ASAH1: variants seen among roughly 807,000 people sequenced by gnomAD.
ASAH1 encodes N-acylsphingosine amidohydrolase 1.
A neutral mutation model predicts 59.5 loss-of-function variants in ASAH1; 70 were observed. That is an observed-to-expected ratio of 1.18 (90% CI 0.97 to 1.43). The LOEUF (loss-of-function observed/expected upper bound fraction) is 1.43, where lower values mean the gene tolerates loss of function less well. ASAH1 is among the 40% of genes most tolerant of loss of function. The probability of loss-of-function intolerance (pLI) is 0.00; values close to 1 mark genes in which losing one functional copy is unlikely to be tolerated. For missense variants in ASAH1, 660 were observed against 482.5 expected, an observed-to-expected ratio of 1.37 and a Z score of -3.45; for synonymous variants, 213 against 166.5, an observed-to-expected ratio of 1.28 and a Z score of -2.15.
chr8:18,061,708 G>A lies in ASAH1; in HGVS notation c.681C>T (p.Phe227=). 1 of 1,584,954 alleles carries A rather than the reference G, an allele frequency of 6.3e-7. No homozygotes were observed. Among genetic ancestry groups the A allele is most frequent in the Non-Finnish European group, 8.6e-7 (1 of 1,163,670 alleles). Residue 227 remains phenylalanine (F), a synonymous_variant, in exon 9 of 14, where the codon TTC becomes TTT. Coordinates refer to ENST00000637790, the MANE Select transcript of ASAH1 (RefSeq NM_177924.5). The part of the protein sequence containing the change: ...GLFSLTLNER[F]SINGGYLGIL... ...TACCCAGATAACCACCATTTATACT[G>A]AAACGTTCATTCAGTGTAAGACTGA...
At chr8:18,077,499 T>G (rs534624649) in intron 1 of ASAH1, among the ~76,000 whole-genome samples, 102 of 152,320 alleles carry the variant, frequency 6.7e-4, no homozygotes, top group Non-Finnish European at 1.4e-3. Context: ...GGCTAACTCT[T>G]CAGTCACTTC....
chr8:18,083,920 C>T, intron 1 of ASAH1, 61 bp downstream of exon 1: 2 of 1,556,280 alleles, frequency 1.3e-6, no homozygotes, highest in Non-Finnish European at 8.6e-7. Context: ...GCCACACCTG[C>T]GCCTCCATCC....
At chr8:18,081,953 T>C (rs1220440123) in intron 1 of ASAH1, among the ~76,000 whole-genome samples, 1 of 152,228 alleles carries the variant, frequency 6.6e-6, no homozygotes, top group African/African-American at 2.4e-5. Flanking sequence ...CAAATTTTTA[T>C]TCTGCCAAAT....
chr8:18,059,613 A>T lies in ASAH1; in HGVS notation c.876T>A (p.Cys292Ter), dbSNP rs768737924. 6.2e-7 allele frequency: 1 copy of T among 1,614,224 alleles called. No homozygotes were observed. The highest frequency in any genetic ancestry group is 1.7e-5 in the Admixed American group (1 of 60,024). The change falls in exon 11 of 14, where the codon TGT (cysteine) becomes TGA (stop). Residue 292 changes from cysteine to a stop codon, truncating the protein, a stop_gained. Coordinates refer to ENST00000637790, the MANE Select transcript of ASAH1 (RefSeq NM_177924.5). LOFTEE classifies it high-confidence loss of function. ...ATTCCTTTCTGTCTCGTGTAATCAC[A>T]CAACCTTCCCCAGACTGGTTGCCTC... ...ILGGNQSGEGCVITRDRKESL... is the reference protein window; with the variant it reads ...ILGGNQSGEG
intron 1 of ASAH1, among the ~76,000 whole-genome samples, chr8:18,081,906 T>TA (rs1254374255): frequency 3.3e-5 from 5 of 151,546 alleles, no homozygotes; most frequent in Non-Finnish European, 5.9e-5. Context: ...TCCAGGCCAG[T>TA]AAAAAAAAAT....
chr8:18,066,402 C>G (rs1344992782), intron 5 of ASAH1: 4 of 135,608 alleles, frequency 2.9e-5, no homozygotes, highest in Non-Finnish European at 4.6e-5. Flanking sequence ...AAGCCCTTCT[C>G]CAAAAGAAAC....
chr8:18,078,401 G>A (rs758170261), intron 1 of ASAH1, among the ~76,000 whole-genome samples: 4 of 152,282 alleles, frequency 2.6e-5, no homozygotes, highest in South Asian at 4.1e-4. Context: ...ATAAACAAAC[G>A]TGAAATTGGC....
chr8:18,078,776 G>C (rs907937151), intron 1 of ASAH1, among the ~76,000 whole-genome samples: 2 of 152,154 alleles, frequency 1.3e-5, no homozygotes, highest in African/African-American at 4.8e-5. Context: ...CAGATGATAA[G>C]AAGAGAGATT....
intron 7 of ASAH1, 188 bp downstream of exon 7, chr8:18,062,997 G>A (rs1034677679): frequency 3.5e-6 from 2 of 574,936 alleles, no homozygotes; most frequent in Admixed American, 2.6e-5. Flanking sequence ...AGGCTCCCAA[G>A]TAGCCGGGAT....
chr8:18,080,328 T>C (rs912948860), intron 1 of ASAH1, among the ~76,000 whole-genome samples: 7 of 152,320 alleles, frequency 4.6e-5, no homozygotes, highest in Middle Eastern at 3.4e-3. Flanking sequence ...TCTTATGAAG[T>C]GGGTCAGATT....
intron 1 of ASAH1, among the ~76,000 whole-genome samples, chr8:18,082,289 T>A (rs183551977): frequency 1.3e-5 from 2 of 152,228 alleles, no homozygotes; most frequent in Admixed American, 1.3e-4. Context: ...AATAAAGCTA[T>A]TGAGAAAGAA....
At position 18,069,829 on chromosome 8, in the gene ASAH1, G is replaced by T; in HGVS notation, c.266C>A (p.Pro89Gln). Residue 89 changes from proline to glutamine, a missense_variant, in exon 4 of 14, where the codon CCA (proline) becomes CAA (glutamine). Pro to Gln is a moderately conservative substitution (Grantham distance 76, BLOSUM62 -1). Transcript: ENST00000637790. ...SLKNMINTFVPSGKIMQVVDE... is the reference protein window; with the variant it reads ...SLKNMINTFVQSGKIMQVVDE... Reference sequence around the variant, plus strand: ...CACCACCTGCATAATTTTTCCACTTGGCACGAATGTATTTATCATATTCTT... The same window carrying T: ...CACCACCTGCATAATTTTTCCACTTTGCACGAATGTATTTATCATATTCTT... 2 of 1,590,772 alleles carry T rather than the reference G, an allele frequency of 1.3e-6. No homozygotes were observed. Among genetic ancestry groups the T allele is most frequent in the Non-Finnish European group, 8.6e-7 (1 of 1,160,468 alleles).
chr8:18,058,605 T>C (rs1177077707), intron 13 of ASAH1: 7 of 550,146 alleles, frequency 1.3e-5, no homozygotes, highest in African/African-American at 1.9e-5. Flanking sequence ...TCAAATGCTA[T>C]GTAAATAAAG....
intron 1 of ASAH1, among the ~76,000 whole-genome samples, chr8:18,081,547 T>G (rs1033603612): frequency 9.2e-5 from 14 of 152,334 alleles, no homozygotes; most frequent in Admixed American, 5.9e-4. Context: ...CTCCAGACAT[T>G]TCTTGTGCCA....
chr8:18,080,939 T>C (rs1800626617), intron 1 of ASAH1, among the ~76,000 whole-genome samples: 1 of 152,176 alleles, frequency 6.6e-6, no homozygotes, highest in African/African-American at 2.4e-5. Context: ...AGTTCTCTTT[T>C]CTTCTCTTTC....
At position 18,069,861 on chromosome 8, in the gene ASAH1, A is replaced by G; in HGVS notation, c.234T>C (p.Asn78=). The part of the protein sequence containing the change: ...DKAPVLKVIV[N]SLKNMINTFV... Reference sequence around the variant, plus strand: ...ATGTATTTATCATATTCTTCAGAGAATTCACTATAACCTTTAGCTGAAAAA... The same window carrying G: ...ATGTATTTATCATATTCTTCAGAGAGTTCACTATAACCTTTAGCTGAAAAA... The change falls in exon 4 of 14, where the codon AAT becomes AAC. Residue 78 remains asparagine (N), a synonymous_variant. Coordinates refer to ENST00000637790, the MANE Select transcript of ASAH1 (RefSeq NM_177924.5). 6.3e-7 allele frequency: 1 copy of G among 1,586,524 alleles called. No individual in the cohort carries two copies. The highest frequency in any genetic ancestry group is 8.6e-7 in the Non-Finnish European group (1 of 1,157,852).
chr8:18,067,683 C>T (rs1329561150), intron 4 of ASAH1: 1 of 158,222 alleles, frequency 6.3e-6, no homozygotes. Flanking sequence ...CGAATTCACC[C>T]TCTAGCCACT....
At chr8:18,074,099 T>C (rs1002536986) in intron 2 of ASAH1, among the ~76,000 whole-genome samples, 2 of 152,164 alleles carry the variant, frequency 1.3e-5, no homozygotes, top group African/African-American at 4.8e-5. Flanking sequence ...ACATGTAAAG[T>C]GCACCTAAAA....
chr8:18,084,518 A>AT, upstream of ASAH1: 1 of 1,380,810 alleles, frequency 7.2e-7, no homozygotes, highest in Non-Finnish European at 9.9e-7. Context: ...CTAATGTAAC[A>AT]TCCCACCCTG....
Sources: allele counts gnomAD v4.1 joint callset (sites outside exome capture counted in the v4.1 genomes callset), GRCh38; gene constraint gnomAD v4.1.1; transcripts MANE v1.5; gene names NCBI Gene and HGNC (gene_info 2026-07-23, HGNC 2026-07-21).